Variants in ACVR1 observed in about 807,000 individuals in gnomAD.
ACVR1 encodes the protein activin receptor type-1.
Under a neutral mutation model 57.1 loss-of-function variants are expected in ACVR1, and 38 were observed. The ratio of observed to expected loss-of-function variants is 0.67; its 90% confidence interval spans 0.51 to 0.87. The LOEUF is 0.87. ACVR1 is among the 40% of genes least tolerant of loss of function. The pLI is 0.00. For missense variants in ACVR1, 463 were observed against 638.2 expected, an observed-to-expected ratio of 0.73 and a Z score of 2.96; for synonymous variants, 212 against 228.1, an observed-to-expected ratio of 0.93 and a Z score of 0.63.
chr2:157,809,275 C>T (rs1687665453), intron 2 of ACVR1, among the ~76,000 whole-genome samples: 2 of 152,088 alleles, frequency 1.3e-5, no homozygotes, highest in African/African-American at 4.8e-5. Context: ...TCTCCTCTCC[C>T]CTCCCCCGAA....
rs554169267 is a variant in ACVR1 at position 157,739,922 on chromosome 2, C to T, written c.1265-1352G>A. ...AATCTAGGCTGGGTGTGGTCGTTCA[C>T]GCCTGTAATCTCAGCACTTTGGGAG... is the stretch of plus-strand genomic sequence containing the variant. On this transcript the variant is annotated intron_variant, in intron 9 of 10. Transcript: ENST00000434821. 5.9e-5 allele frequency among the ~76,000 whole-genome samples: 9 copies of T among 152,184 alleles called. No homozygotes were observed. In the East Asian group the frequency reaches 1.4e-3, roughly 23 times the overall value.
At chr2:157,823,776 G>C (rs1688236387) in intron 1 of ACVR1, among the ~76,000 whole-genome samples, 1 of 152,280 alleles carries the variant, frequency 6.6e-6, no homozygotes, top group East Asian at 1.9e-4. Context: ...TGGTTTGGTG[G>C]TCCATCAAAA....
intron 5 of ACVR1, 69 bp from the exon 6 acceptor site, chr2:157,774,256 G>A: frequency 8.0e-7 from 1 of 1,253,754 alleles, no homozygotes; most frequent in Non-Finnish European, 1.2e-6. Context: ...GTATTAGCAT[G>A]CATGACATTG....
chr2:157,798,934 T>G lies in ACVR1; in HGVS notation c.67+493A>C, dbSNP rs140937997. On this transcript the variant is annotated intron_variant, in intron 3 of 10. Coordinates refer to ENST00000434821, the MANE Select transcript of ACVR1 (RefSeq NM_001111067.4). The stretch of plus-strand genomic sequence containing the variant: ...ATTTTTGAGACAGAGTCTCGCTCTG[T>G]TGCCCGGGCTGGAGTTCAATGTCGT... 6.5e-3 allele frequency among the ~76,000 whole-genome samples: 984 copies of G among 152,130 alleles called. 8 individuals carry two copies. The highest frequency in any genetic ancestry group is 0.022 in the African/African-American group (919 of 41,480).
At chr2:157,863,505 T>C (rs1186632678) in intron 1 of ACVR1, among the ~76,000 whole-genome samples, 1 of 150,938 alleles carries the variant, frequency 6.6e-6, no homozygotes, top group Admixed American at 6.6e-5. Flanking sequence ...GAGACCAGCC[T>C]GGCCAACAGG....
intron 1 of ACVR1, among the ~76,000 whole-genome samples, chr2:157,842,933 A>C (rs1319610268): frequency 6.6e-6 from 1 of 152,166 alleles, no homozygotes; most frequent in African/African-American, 2.4e-5. Context: ...CAGTGTATTT[A>C]ATCACATCTC....
intron 3 of ACVR1, among the ~76,000 whole-genome samples, chr2:157,791,333 T>C (rs1281026384): frequency 6.6e-6 from 1 of 152,234 alleles, no homozygotes; most frequent in Non-Finnish European, 1.5e-5. Context: ...TAATAAATTA[T>C]TTGAAAGAGT....
At chr2:157,782,236 G>C (rs1336044149) in intron 3 of ACVR1, among the ~76,000 whole-genome samples, 5 of 152,184 alleles carry the variant, frequency 3.3e-5, no homozygotes, top group African/African-American at 1.2e-4. Context: ...GTCCCACAGA[G>C]TAAGTGCATG....
rs1479239987 is a variant in ACVR1, at chr2:157,876,203, C to T, written c.-590G>A. Among the ~76,000 whole-genome samples the T allele has an allele frequency of 2.7e-5, 4 of 148,934 alleles. No homozygotes were observed. The highest frequency in any genetic ancestry group is 1.3e-4 in the Admixed American group (2 of 15,090). On this transcript the variant is annotated 5_prime_UTR_variant, in exon 1 of 11. Transcript: ENST00000434821. ...GCAGAGGCTCGGGCTGGGAGCACGACCGCGGGCGGGGCGGGCGGACCAGCT... is the reference window on the plus strand; with the variant it reads ...GCAGAGGCTCGGGCTGGGAGCACGATCGCGGGCGGGGCGGGCGGACCAGCT...
At chr2:157,792,181 T>C (rs1278175177) in intron 3 of ACVR1, among the ~76,000 whole-genome samples, 1 of 151,936 alleles carries the variant, frequency 6.6e-6, no homozygotes, top group Non-Finnish European at 1.5e-5. Flanking sequence ...CCAAGAGGAA[T>C]TTCTCATTCT....
intron 1 of ACVR1, among the ~76,000 whole-genome samples, chr2:157,870,289 A>G (rs564589749): frequency 3.9e-5 from 6 of 152,318 alleles, no homozygotes; most frequent in Non-Finnish European, 7.3e-5. Context: ...GGGCCTATCA[A>G]TATTCTTCCA....
chr2:157,756,936 A>G (rs927120491), intron 9 of ACVR1, among the ~76,000 whole-genome samples: 1 of 148,932 alleles, frequency 6.7e-6, no homozygotes, highest in African/African-American at 2.5e-5. Context: ...AGAAATTGTG[A>G]GCTATCTATC....
intron 1 of ACVR1, among the ~76,000 whole-genome samples, chr2:157,819,063 G>GC (rs1688055764): frequency 9.1e-6 from 1 of 109,348 alleles, no homozygotes; most frequent in South Asian, 3.4e-4. Flanking sequence ...GGGTGACAGA[G>GC]CGAGACTCCG....
intron 3 of ACVR1, among the ~76,000 whole-genome samples, chr2:157,796,221 C>A (rs80164064): frequency 2.9e-3 from 341 of 119,594 alleles, no homozygotes; most frequent in African/African-American, 3.4e-3. Context: ...GACTCTGCCT[C>A]AAAAAAAAAA....
intron 9 of ACVR1, among the ~76,000 whole-genome samples, chr2:157,744,263 A>G (rs1277502240): frequency 6.6e-6 from 1 of 152,254 alleles, no homozygotes; most frequent in African/African-American, 2.4e-5. Flanking sequence ...AGAAGCGCTG[A>G]AATCCTTCAG....
chr2:157,765,520 T>A (rs1425016382), intron 8 of ACVR1, among the ~76,000 whole-genome samples: 3 of 152,306 alleles, frequency 2.0e-5, no homozygotes, highest in Middle Eastern at 3.4e-3. Context: ...ACAACATTTG[T>A]CAAAACTCTT....
chr2:157,810,975 AC>A (rs1021354621), intron 2 of ACVR1, among the ~76,000 whole-genome samples: 4 of 151,770 alleles, frequency 2.6e-5, no homozygotes, highest in Non-Finnish European at 5.9e-5. Context: ...CCCAAGCCTC[AC>A]CCCCTAGAGA....
intron 3 of ACVR1, among the ~76,000 whole-genome samples, chr2:157,784,551 C>T (rs71421048): frequency 0.01 from 1,549 of 152,352 alleles, 10 homozygotes; most frequent in Middle Eastern, 0.034. Context: ...AGGCACCTCC[C>T]GGCATTACTC....
At chr2:157,757,309 G>A (rs1457841558) in intron 9 of ACVR1, among the ~76,000 whole-genome samples, 1 of 151,460 alleles carries the variant, frequency 6.6e-6, no homozygotes, top group South Asian at 2.1e-4. Context: ...ATGGGCAAAG[G>A]CATAGAAAAC....
Sources: allele counts gnomAD v4.1 joint callset (sites outside exome capture counted in the v4.1 genomes callset), GRCh38; gene constraint gnomAD v4.1.1; transcripts MANE v1.5; gene names NCBI Gene and HGNC (gene_info 2026-07-23, HGNC 2026-07-21).